Variants in PHACTR2 observed in about 807,000 individuals in gnomAD.
PHACTR2 encodes the protein chromosome 6 open reading frame 56.
A neutral mutation model predicts 76.0 loss-of-function variants in PHACTR2; 30 were observed. The observed-to-expected ratio is 0.39, with a 90% CI of 0.30 to 0.54. The LOEUF (loss-of-function observed/expected upper bound fraction) is 0.54, where lower values mean the gene tolerates loss of function less well. PHACTR2 is among the 20% of genes least tolerant of loss of function. The pLI is 0.61. For missense variants in PHACTR2, 696 were observed against 781.1 expected (o/e 0.89, Z 1.30); for synonymous variants, 292 against 292.5 (o/e 1.00, Z 0.02).
Position 143,541,222 on chromosome 6 carries a change from C to T in PHACTR2, c.217+4015C>T, listed in dbSNP as rs770398639. On this transcript the variant is annotated intron_variant, in intron 1 of 11. Transcript: ENST00000367584. The surrounding 1 kb of genome is among the most constrained non-coding windows in gnomAD (Gnocchi z 5.3). ...TCTTAAGTTTTAGACAGATCCTGTT[C>T]GGTATTAAGGAGCTTTGATAACTTT... Among the ~76,000 whole-genome samples the T allele has an allele frequency of 7.9e-5, 12 of 152,180 alleles. No homozygotes were observed. Among genetic ancestry groups the T allele is most frequent in the Non-Finnish European group, 1.3e-4 (9 of 68,038 alleles).
chr6:143,553,684 G>T lies in PHACTR2; in HGVS notation c.217+16477G>T, dbSNP rs2128427726. On this transcript the variant is annotated intron_variant, in intron 1 of 11. Transcript: ENST00000367584. The surrounding 1 kb of genome is among the most constrained non-coding windows in gnomAD (Gnocchi z 4.2). Reference sequence around the variant, plus strand: ...TCGAGTCTCTATAGGCTGAGGTTGAGGCCTAGTTGAGAAGAGGGCTCAGGG... The same window carrying T: ...TCGAGTCTCTATAGGCTGAGGTTGATGCCTAGTTGAGAAGAGGGCTCAGGG... Among the ~76,000 whole-genome samples the T allele has an allele frequency of 6.6e-6, 1 of 152,324 alleles. No individual in the cohort carries two copies. Among genetic ancestry groups the T allele is most frequent in the South Asian group, 2.1e-4 (1 of 4,822 alleles).
At chr6:143,805,443 C>T (rs1397748226) in intron 11 of PHACTR2, among the ~76,000 whole-genome samples, 1 of 145,122 alleles carries the variant, frequency 6.9e-6, no homozygotes, top group Non-Finnish European at 1.5e-5. Flanking sequence ...CGTACCACTG[C>T]ACTCCAGCCT....
rs1435572978 is a variant in PHACTR2, at chr6:143,772,950, C to T, written c.1432+493C>T. Among the ~76,000 whole-genome samples, 3 of 152,126 alleles carry T rather than the reference C, an allele frequency of 2.0e-5. No homozygotes were observed. The highest frequency in any genetic ancestry group is 3.9e-4 in the East Asian group (2 of 5,192). The stretch of plus-strand genomic sequence containing the variant: ...CTCATTAGCATTAAGAGGCTGGGCA[C>T]GGTGGCTCATGTCTAATTTTGGGAG... On this transcript the variant is annotated intron_variant, in intron 7 of 12. Transcript: ENST00000440869. The surrounding 1 kb of genome is among the most constrained non-coding windows in gnomAD (Gnocchi z 5.4).
intron 1 of PHACTR2, among the ~76,000 whole-genome samples, chr6:143,614,345 G>A (rs570999865): frequency 4.9e-4 from 75 of 152,342 alleles, no homozygotes; most frequent in Middle Eastern, 3.4e-3. Flanking sequence ...AGGTTCTCCA[G>A]GGGATACCAA....
Position 143,548,421 on chromosome 6 carries a change from C to T in PHACTR2, c.217+11214C>T, listed in dbSNP as rs1485289046. 1.3e-5 allele frequency among the ~76,000 whole-genome samples: 2 copies of T among 152,102 alleles called. No homozygotes were observed. Among genetic ancestry groups the T allele is most frequent in the African/African-American group, 2.4e-5 (1 of 41,440 alleles). ...TCCATCCATTCAACCGTCCATCCTT[C>T]TGTCTTTCCCTCCCTCCCAGACTTC... is the stretch of plus-strand genomic sequence containing the variant. On this transcript the variant is annotated intron_variant, in intron 1 of 11. Transcript: ENST00000367584. This position sits in a 1 kb window ranked among gnomAD's most constrained non-coding sequence, Gnocchi z 4.5.
rs1775967386 is a variant in PHACTR2 at position 143,611,100 on chromosome 6, T to A, written c.13+2778T>A. 6.6e-6 allele frequency among the ~76,000 whole-genome samples: 1 copy of A among 152,126 alleles called. No individual in the cohort carries two copies. The highest frequency in any genetic ancestry group is 1.5e-5 in the Non-Finnish European group (1 of 68,018). Reference sequence around the variant, plus strand: ...GCAAAGTTGATTGGTGTGTGTTTTTTATCTGAAACACAATTTTTGAAATGT... The same window carrying A: ...GCAAAGTTGATTGGTGTGTGTTTTTAATCTGAAACACAATTTTTGAAATGT... On this transcript the variant is annotated intron_variant, in intron 1 of 11. Transcript: ENST00000305766. The surrounding 1 kb of genome is among the most constrained non-coding windows in gnomAD (Gnocchi z 4.4).
intron 1 of PHACTR2, among the ~76,000 whole-genome samples, chr6:143,590,887 A>C (rs369749210): frequency 2.0e-5 from 3 of 152,080 alleles, no homozygotes; most frequent in Non-Finnish European, 4.4e-5. Flanking sequence ...CCCTATCCCA[A>C]TGACAATCTT....
At chr6:143,691,069 A>C (rs1480873984) in intron 1 of PHACTR2, among the ~76,000 whole-genome samples, 6 of 152,212 alleles carry the variant, frequency 3.9e-5, no homozygotes, top group African/African-American at 1.4e-4. Context: ...AGCAAAATCA[A>C]AGTCTTTTGG....
In PHACTR2 at chr6:143,757,959, G is replaced by GCA. The variant is rs10632120; in HGVS notation, c.455-2441_455-2440insAC. On this transcript the variant is annotated intron_variant, in intron 4 of 12. Transcript: ENST00000440869. The surrounding 1 kb of genome is among the most constrained non-coding windows in gnomAD (Gnocchi z 4.2). ...CCTGCGTGTGTGTGCATGCACACGT[G>GCA]CGCGCACACACACACACACACACAC... 0.39 allele frequency among the ~76,000 whole-genome samples: 56,990 copies of GCA among 145,318 alleles called. 11,069 individuals carry two copies. The highest frequency in any genetic ancestry group is 0.45 in the Admixed American group (6,607 of 14,784).
At chr6:143,552,888 GAAAAAAAA>G (rs35606517) in intron 1 of PHACTR2, among the ~76,000 whole-genome samples, 1 of 116,650 alleles carries the variant, frequency 8.6e-6, no homozygotes, top group African/African-American at 3.3e-5. Flanking sequence ...ATCTCAAAAA[GAAAAAAAA>G]AAAAAAAAAA....
rs1048979351 is a variant in PHACTR2, at chr6:143,809,609, C to A, written c.1922+2476C>A. Among the ~76,000 whole-genome samples the A allele has an allele frequency of 1.3e-5, 2 of 152,140 alleles. No homozygotes were observed. The highest frequency in any genetic ancestry group is 2.9e-5 in the Non-Finnish European group (2 of 68,038). ...ATTAAGTATAAATGAAAAACCTTCA[C>A]TCCTTTCCCAACCTCATTTCTGTTC... On this transcript the variant is annotated intron_variant, in intron 12 of 12. Coordinates refer to ENST00000440869, the MANE Select transcript of PHACTR2 (RefSeq NM_001100164.2). This position sits in a 1 kb window ranked among gnomAD's most constrained non-coding sequence, Gnocchi z 4.2.
intron 11 of PHACTR2, among the ~76,000 whole-genome samples, chr6:143,797,359 T>G (rs1775849630): frequency 6.6e-6 from 1 of 152,212 alleles, no homozygotes; most frequent in East Asian, 1.9e-4. Context: ...ATTCTGTAGG[T>G]TGCCTGTTCA....
Position 143,827,492 on chromosome 6 carries a change from G to A in PHACTR2, c.*3803G>A, listed in dbSNP as rs1232584925. The A allele has an allele frequency of 1.3e-5, 2 of 151,890 alleles. No homozygotes were observed. The highest frequency in any genetic ancestry group is 2.9e-5 in the Non-Finnish European group (2 of 67,990). The allele number at this position is 151,890 out of a possible 1,614,324, so 9.4% of individuals were successfully genotyped here. A position where few individuals can be genotyped will look rare whatever the true frequency, so the allele number is the denominator to read the frequency against. The stretch of plus-strand genomic sequence containing the variant: ...CCCCTTGCTGCAAATTTCAAACAGA[G>A]CAAGAAATCTTCCTCAGAGTAGGTG... On this transcript the variant is annotated 3_prime_UTR_variant, in exon 13 of 13. Transcript: ENST00000440869.
At chr6:143,740,986 C>T (rs12191548) in intron 2 of PHACTR2, among the ~76,000 whole-genome samples, 1 of 152,336 alleles carries the variant, frequency 6.6e-6, no homozygotes, top group South Asian at 2.1e-4. Context: ...CAGTGGCTCA[C>T]GCCTGTCATC....
rs1278893686 is a variant in PHACTR2 at position 143,784,469 on chromosome 6, T to C, written c.1707+1189T>C. Among the ~76,000 whole-genome samples the C allele has an allele frequency of 6.6e-6, 1 of 152,204 alleles. No individual in the cohort carries two copies. Among genetic ancestry groups the C allele is most frequent in the Non-Finnish European group, 1.5e-5 (1 of 68,036 alleles). ...TGGATAAAGTGACTAAAATGTGACA[T>C]CTACATGAAGTGTGACCTGACCCAC... On this transcript the variant is annotated intron_variant, in intron 10 of 12. Transcript: ENST00000440869. The surrounding 1 kb of genome is among the most constrained non-coding windows in gnomAD (Gnocchi z 4.5).
At chr6:143,699,400 T>C (rs1017642170) in intron 1 of PHACTR2, among the ~76,000 whole-genome samples, 3 of 152,222 alleles carry the variant, frequency 2.0e-5, no homozygotes, top group African/African-American at 7.2e-5. Context: ...TTTTCTTTAC[T>C]TGTTCATTCT....
chr6:143,605,683 G>C (rs1236354897), upstream of PHACTR2, among the ~76,000 whole-genome samples: 1 of 152,118 alleles, frequency 6.6e-6, no homozygotes, highest in Non-Finnish European at 1.5e-5. The surrounding 1 kb of genome is among the most constrained non-coding windows in gnomAD (Gnocchi z 5.0). Flanking sequence ...CTGATTTCTA[G>C]ACATTTTTCC....
At position 143,731,699 on chromosome 6, in the gene PHACTR2, T is replaced by A. The variant is rs1251779874; in HGVS notation, c.215-17286T>A. On this transcript the variant is annotated intron_variant, in intron 2 of 12. Transcript: ENST00000440869. This position sits in a 1 kb window ranked among gnomAD's most constrained non-coding sequence, Gnocchi z 4.9. ...CTGTAGTGTTCTTGCACTATCTTTG[T>A]CTAGGTTTGATATCAGGGCAACACC... Among the ~76,000 whole-genome samples, 1 of 152,240 alleles carries A rather than the reference T, an allele frequency of 6.6e-6. No individual in the cohort carries two copies. Among genetic ancestry groups the A allele is most frequent in the East Asian group, 1.9e-4 (1 of 5,198 alleles).
rs1412726438 is a variant in PHACTR2 at position 143,599,740 on chromosome 6, A to G, written c.217+62533A>G. ...CCAACCTATACCTTTCCCCCTTTCTATGCTGTATTAAGACATACCACCCTT... is the reference window on the plus strand; with the variant it reads ...CCAACCTATACCTTTCCCCCTTTCTGTGCTGTATTAAGACATACCACCCTT... On this transcript the variant is annotated intron_variant, in intron 1 of 11. Coordinates refer to the PHACTR2 transcript ENST00000367584. The surrounding 1 kb of genome is among the most constrained non-coding windows in gnomAD (Gnocchi z 4.6). Among the ~76,000 whole-genome samples the G allele has an allele frequency of 2.0e-5, 3 of 152,032 alleles. No homozygotes were observed. Among genetic ancestry groups the G allele is most frequent in the African/African-American group, 4.8e-5 (2 of 41,386 alleles).
Sources: gnomAD v4.1 joint callset for allele counts (sites outside exome capture counted in the v4.1 genomes callset) on GRCh38, gnomAD v4.1.1 for gene constraint, Gnocchi (gnomAD v3.1) non-coding constraint, MANE v1.5 for transcripts, NCBI Gene and HGNC (gene_info 2026-07-23, HGNC 2026-07-21) for gene names.